Variants in ELL observed in about 807,000 individuals in gnomAD.
The protein encoded by ELL is RNA polymerase II elongation factor ELL.
Under a neutral mutation model 64.0 loss-of-function variants are expected in ELL, and 18 were observed. The ratio of observed to expected loss-of-function variants is 0.28; its 90% CI spans 0.19 to 0.42. ELL has a LOEUF of 0.42. ELL is among the 10% of genes least tolerant of loss of function. ELL has a pLI of 1.00. For synonymous variants in ELL, 399 were observed against 376.2 expected (o/e 1.06, Z -0.70); for missense variants, 797 against 870.4 (o/e 0.92, Z 1.06).
intron 5 of ELL, among the ~76,000 whole-genome samples, chr19:18,459,069 AG>A (rs1490283324): frequency 6.6e-6 from 1 of 152,050 alleles, no homozygotes; most frequent in Non-Finnish European, 1.5e-5. Context: ...TTGTATAGAT[AG>A]GATCTCAGTA....
chr19:18,507,202 T>C (rs577318465), intron 1 of ELL, among the ~76,000 whole-genome samples: 5 of 152,326 alleles, frequency 3.3e-5, no homozygotes, highest in Admixed American at 6.5e-5. Flanking sequence ...AACACGCTCT[T>C]CTAGCTGCAC....
intron 1 of ELL, among the ~76,000 whole-genome samples, chr19:18,505,487 C>T (rs1975863866): frequency 6.6e-6 from 1 of 152,212 alleles, no homozygotes; most frequent in East Asian, 1.9e-4. Context: ...CTGTGCCACA[C>T]ACACACATGC....
At chr19:18,479,801 C>T (rs552987268) in intron 1 of ELL, among the ~76,000 whole-genome samples, 1 of 151,546 alleles carries the variant, frequency 6.6e-6, no homozygotes, top group Admixed American at 6.6e-5. Flanking sequence ...AGATGAGACA[C>T]ACAGACAGAT....
chr19:18,480,636 T>C (rs1291290997), intron 1 of ELL, among the ~76,000 whole-genome samples: 4 of 152,174 alleles, frequency 2.6e-5, no homozygotes, highest in African/African-American at 9.7e-5. Flanking sequence ...AGTATTTTTT[T>C]TCTTTCTTTC....
chr19:18,474,303 G>GT (rs1975130543), intron 1 of ELL, among the ~76,000 whole-genome samples: 1 of 152,244 alleles, frequency 6.6e-6, no homozygotes, highest in Admixed American at 6.5e-5. Context: ...CCACGCAGCT[G>GT]TATACATATG....
At chr19:18,503,679 G>A (rs1045698494) in intron 1 of ELL, among the ~76,000 whole-genome samples, 1 of 152,264 alleles carries the variant, frequency 6.6e-6, no homozygotes, top group South Asian at 2.1e-4. Context: ...GAAGGGACGG[G>A]ACCTGTTACT....
chr19:18,446,484 A>C lies in ELL; in HGVS notation c.1533-4T>G, dbSNP rs756746724. ...AGAGGAGATGGCTGCGTACTTCCTG[A>C]AACAGGAGAGAGGGGCCACTGAGTG... On this transcript the variant is annotated splice_region_variant and splice_polypyrimidine_tract_variant and intron_variant, in intron 9 of 11. Coordinates refer to ENST00000262809, the MANE Select transcript of ELL (RefSeq NM_006532.4). 57 of 1,610,674 alleles carry C rather than the reference A, an allele frequency of 3.5e-5. No individual in the cohort carries two copies. The highest frequency in any genetic ancestry group is 4.6e-5 in the Non-Finnish European group (54 of 1,179,466).
chr19:18,494,959 T>C (rs957924047), intron 1 of ELL, among the ~76,000 whole-genome samples: 4 of 151,932 alleles, frequency 2.6e-5, no homozygotes, highest in African/African-American at 9.7e-5. Flanking sequence ...GATTTGAGAG[T>C]TGAAAAAGAC....
At position 18,465,578 on chromosome 19, in the gene ELL, GC is replaced by G; in HGVS notation, c.306-4del. 1 of 1,581,974 alleles carries G rather than the reference GC, an allele frequency of 6.3e-7. No homozygotes were observed. The highest frequency in any genetic ancestry group is 8.6e-7 in the Non-Finnish European group (1 of 1,156,730). ...AGTCCAGGTGAACTTCCCCATGACT[GC>G]AAGACAAGGCCAGGAGCTGGGGTCA... On this transcript the variant is annotated splice_region_variant and splice_polypyrimidine_tract_variant and intron_variant, in intron 3 of 11. Coordinates refer to ENST00000262809, the MANE Select transcript of ELL (RefSeq NM_006532.4).
chr19:18,483,498 G>C (rs557059919), intron 1 of ELL, among the ~76,000 whole-genome samples: 1 of 152,182 alleles, frequency 6.6e-6, no homozygotes, highest in Non-Finnish European at 1.5e-5. Context: ...GCAAGGACTC[G>C]TGGTACCACA....
intron 6 of ELL, among the ~76,000 whole-genome samples, chr19:18,454,501 A>C (rs556698189): frequency 3.6e-4 from 55 of 152,006 alleles, no homozygotes; most frequent in African/African-American, 1.3e-3. Context: ...CCGTCTCAAA[A>C]TAAATAAAGA....
At chr19:18,512,381 T>C (rs894625383) in intron 1 of ELL, among the ~76,000 whole-genome samples, 1 of 152,140 alleles carries the variant, frequency 6.6e-6, no homozygotes, top group Non-Finnish European at 1.5e-5. Context: ...CTCACGCCTG[T>C]AATCCCGGCA....
chr19:18,461,408 C>G (rs1373836066), intron 5 of ELL, among the ~76,000 whole-genome samples, 170 bp downstream of exon 5: 1 of 152,150 alleles, frequency 6.6e-6, no homozygotes, highest in African/African-American at 2.4e-5. Context: ...TAAGCTTGTT[C>G]TAATCCAGGA....
At chr19:18,444,968 G>C in intron 11 of ELL, 100 bp from the exon 12 acceptor site, 1 of 1,330,080 alleles carries the variant, frequency 7.5e-7, no homozygotes, top group Non-Finnish European at 1.0e-6. Flanking sequence ...ACCTGGGCTT[G>C]GTGCCCAGCA....
At chr19:18,519,821 A>G (rs557686865) in intron 1 of ELL, among the ~76,000 whole-genome samples, 42 of 139,282 alleles carry the variant, frequency 3.0e-4, no homozygotes, top group East Asian at 1.0e-3. Context: ...AAAAAAAAAA[A>G]AAAGAAAGAA....
rs534064489 is a variant in ELL, at chr19:18,496,462, G to A, written c.136-23580C>T. ...ACCCAGAGTGCTTCCTCTACTTCCT[G>A]TGGTAACAGAGCCTGTCTTCCTGGG... On this transcript the variant is annotated intron_variant, in intron 1 of 11. Coordinates refer to ENST00000262809, the MANE Select transcript of ELL (RefSeq NM_006532.4). Among the ~76,000 whole-genome samples the A allele has an allele frequency of 5.3e-5, 8 of 151,900 alleles. No individual in the cohort carries two copies. In the South Asian group the frequency reaches 8.3e-4, roughly 16 times the overall value.
intron 11 of ELL, 27 bp downstream of exon 11, chr19:18,445,197 G>A: frequency 6.2e-7 from 1 of 1,613,844 alleles, no homozygotes; most frequent in South Asian, 1.1e-5. Context: ...CTCACTTGGA[G>A]CCCACCCCAA....
intron 6 of ELL, among the ~76,000 whole-genome samples, chr19:18,456,421 C>G (rs902596678): frequency 6.6e-6 from 1 of 152,218 alleles, no homozygotes; most frequent in Non-Finnish European, 1.5e-5. Context: ...GGACCATCGT[C>G]TGGGCATGAA....
At position 18,461,817 on chromosome 19, in the gene ELL, C is replaced by G. The variant is rs760507369; in HGVS notation, c.505G>C (p.Ala169Pro). Residue 169 changes from alanine to proline, a missense_variant, in exon 5 of 12, where the codon GCA becomes CCA. Coordinates refer to ENST00000262809, the MANE Select transcript of ELL (RefSeq NM_006532.4). ...KVQFRKPAPGATDAVPSRKRA... is the reference protein window; with the variant it reads ...KVQFRKPAPGPTDAVPSRKRA... ...TTCCGGGAGGGCACCGCGTCTGTTG[C>G]ACCTGGGGCTGGTTTCCGAAACTGA... The G allele has an allele frequency of 6.2e-7, 1 of 1,613,752 alleles. No homozygotes were observed. Among genetic ancestry groups the G allele is most frequent in the Non-Finnish European group, 8.5e-7 (1 of 1,179,706 alleles).
Sources: gnomAD v4.1 joint callset for allele counts (sites outside exome capture counted in the v4.1 genomes callset) on GRCh38, gnomAD v4.1.1 for gene constraint, MANE v1.5 for transcripts, NCBI Gene and HGNC (gene_info 2026-07-23, HGNC 2026-07-21) for gene names.